The following QTMAN variants were observed in gnomAD, a reference collection of about 807,000 sequenced individuals.
QTMAN encodes the protein queuosine-tRNA mannosyltransferase.
the QTMAN span, among the ~76,000 whole-genome samples, chr2:144,097,629 T>C: frequency 1.4e-4 from 22 of 152,180 alleles, no homozygotes; most frequent in Admixed American, 1.3e-3. Context: ...TGCAATAATA[T>C]AGGTGCTGAA....
the QTMAN span, among the ~76,000 whole-genome samples, chr2:144,049,830 A>C: frequency 1.3e-5 from 2 of 152,164 alleles, no homozygotes; most frequent in Non-Finnish European, 2.9e-5. Flanking sequence ...GGAATGTCTG[A>C]GCTAAATACT....
chr2:143,979,301 C>G, the QTMAN span, among the ~76,000 whole-genome samples: 2 of 151,930 alleles, frequency 1.3e-5, no homozygotes, highest in African/African-American at 4.8e-5. Context: ...AAAGAAGAAC[C>G]AAACTTCAGG....
chr2:144,196,151 T>C, the QTMAN span, among the ~76,000 whole-genome samples: 4 of 151,492 alleles, frequency 2.6e-5, no homozygotes, highest in South Asian at 8.3e-4. Context: ...CTAAGAATCA[T>C]TACATTTGAA....
chr2:144,108,630 T>C, the QTMAN span, among the ~76,000 whole-genome samples: 6 of 133,780 alleles, frequency 4.5e-5, no homozygotes, highest in Admixed American at 7.0e-5. Context: ...AGAGCAAGAC[T>C]CTGTCTCAAT....
chr2:144,077,013 T>C, the QTMAN span, among the ~76,000 whole-genome samples: 24,332 of 136,906 alleles, frequency 0.18, 3,776 homozygotes, highest in African/African-American at 0.42. Flanking sequence ...ATATAAACAA[T>C]AGATTAAAAA....
chr2:144,286,648 T>TA, the QTMAN span, among the ~76,000 whole-genome samples: 1 of 152,220 alleles, frequency 6.6e-6, no homozygotes, highest in Non-Finnish European at 1.5e-5. Context: ...TTTTGGTTTA[T>TA]ACTATAAAAG....
the QTMAN span, among the ~76,000 whole-genome samples, chr2:144,174,137 C>T: frequency 6.6e-6 from 1 of 152,190 alleles, no homozygotes; most frequent in African/African-American, 2.4e-5. Flanking sequence ...CTTTCTCCAG[C>T]ATGTGTTAAT....
the QTMAN span, among the ~76,000 whole-genome samples, chr2:144,024,559 A>C: frequency 1.3e-5 from 2 of 152,224 alleles, no homozygotes; most frequent in Non-Finnish European, 2.9e-5. Context: ...AAAAAGTATA[A>C]ACAGATCAGC....
the QTMAN span, among the ~76,000 whole-genome samples, chr2:144,134,377 G>A: frequency 2.0e-5 from 3 of 152,128 alleles, no homozygotes; most frequent in Admixed American, 1.3e-4. Context: ...TAGAAATGAT[G>A]AAGAGAAATG....
chr2:144,190,698 A>G, the QTMAN span, among the ~76,000 whole-genome samples: 12 of 152,328 alleles, frequency 7.9e-5, no homozygotes, highest in East Asian at 2.3e-3. Flanking sequence ...ATATTCAATG[A>G]TAAAAGCAAA....
the QTMAN span, among the ~76,000 whole-genome samples, chr2:143,988,663 A>C: frequency 3.3e-5 from 5 of 152,226 alleles, no homozygotes; most frequent in Admixed American, 3.3e-4. Context: ...CAACTTGCCT[A>C]CACTGATTGC....
the QTMAN span, among the ~76,000 whole-genome samples, chr2:144,297,832 G>A: frequency 1.6e-4 from 24 of 150,982 alleles, no homozygotes; most frequent in Admixed American, 7.9e-4. Context: ...CACCCACCTC[G>A]GCCTCCCAAA....
chr2:144,327,321 C>G, the QTMAN span, among the ~76,000 whole-genome samples: 1 of 152,086 alleles, frequency 6.6e-6, no homozygotes, highest in Non-Finnish European at 1.5e-5. Flanking sequence ...TCCCTGAGTT[C>G]TGTCACTCCA....
the QTMAN span, among the ~76,000 whole-genome samples, chr2:143,959,445 A>G: frequency 6.6e-6 from 1 of 152,142 alleles, no homozygotes; most frequent in Non-Finnish European, 1.5e-5. Context: ...AAAATGGTAC[A>G]GTTTGATTTG....
At chr2:144,309,715 T>G in the QTMAN span, among the ~76,000 whole-genome samples, 2 of 152,208 alleles carry the variant, frequency 1.3e-5, no homozygotes, top group Non-Finnish European at 2.9e-5. Flanking sequence ...AAACATTAAC[T>G]TGTACATTTA....
chr2:144,283,141 A>C, the QTMAN span, among the ~76,000 whole-genome samples: 1 of 152,214 alleles, frequency 6.6e-6, no homozygotes, highest in African/African-American at 2.4e-5. Context: ...AGCTGATCCC[A>C]AGAAGGTGCT....
the QTMAN span, among the ~76,000 whole-genome samples, chr2:144,215,192 T>C: frequency 6.6e-6 from 1 of 151,646 alleles, no homozygotes; most frequent in African/African-American, 2.4e-5. Flanking sequence ...CAGTGAGCCA[T>C]GATTGTGCTA....
the QTMAN span, among the ~76,000 whole-genome samples, chr2:144,187,724 G>C: frequency 2.0e-5 from 3 of 152,100 alleles, no homozygotes; most frequent in Non-Finnish European, 2.9e-5. Flanking sequence ...AAAATGACAG[G>C]CATATTACAC....
At chr2:144,010,564 C>A in the QTMAN span, among the ~76,000 whole-genome samples, 1 of 152,104 alleles carries the variant, frequency 6.6e-6, no homozygotes, top group East Asian at 1.9e-4. Flanking sequence ...CGAACTGATG[C>A]CATTTAGTTC....
Sources: gnomAD v4.1 joint callset for allele counts (sites outside exome capture counted in the v4.1 genomes callset) on GRCh38, gnomAD v4.1.1 for gene constraint, MANE v1.5 for transcripts, NCBI Gene and HGNC (gene_info 2026-07-23, HGNC 2026-07-21) for gene names.